Variants in DCUN1D4 observed in about 807,000 individuals in gnomAD.
The protein encoded by DCUN1D4 is DCN1-like protein 4.
A neutral mutation model predicts 47.9 loss-of-function variants in DCUN1D4; 22 were observed. That is an observed-to-expected ratio of 0.46 (90% CI 0.33 to 0.66). The LOEUF (loss-of-function observed/expected upper bound fraction) is 0.66, where lower values mean the gene tolerates loss of function less well. Ranked by LOEUF, DCUN1D4 falls within the 30% of genes least tolerant of loss-of-function variation. The probability of loss-of-function intolerance (pLI) is 0.02; values close to 1 mark genes in which losing one functional copy is unlikely to be tolerated. For missense variants in DCUN1D4, 301 were observed against 340.8 expected, an observed-to-expected ratio of 0.88 and a Z score of 0.92; for synonymous variants, 121 against 112.2, an observed-to-expected ratio of 1.08 and a Z score of -0.50.
intron 8 of DCUN1D4, chr4:51,905,300 G>C (rs1337616161): frequency 9.2e-6 from 4 of 436,620 alleles, no homozygotes; most frequent in South Asian, 1.6e-5. Context: ...AGCAGGGCCC[G>C]CATCTGCCCT....
chr4:51,907,872 G>T (rs927126995), intron 8 of DCUN1D4, among the ~76,000 whole-genome samples: 4 of 152,084 alleles, frequency 2.6e-5, no homozygotes, highest in African/African-American at 7.2e-5. Flanking sequence ...TGTTTCAGTT[G>T]TTAAGTCATT....
At chr4:51,911,803 AC>A (rs1219512598) in intron 9 of DCUN1D4, among the ~76,000 whole-genome samples, 1 of 152,132 alleles carries the variant, frequency 6.6e-6, no homozygotes, top group Admixed American at 6.5e-5. Flanking sequence ...ATTCTGTGGG[AC>A]CTGGAAGTAT....
At chr4:51,837,443 G>T in the DCUN1D4 span, among the ~76,000 whole-genome samples, 2 of 151,606 alleles carry the variant, frequency 1.3e-5, no homozygotes. Flanking sequence ...CGAGGCGGGC[G>T]GATCACGAGG....
upstream of DCUN1D4, among the ~76,000 whole-genome samples, chr4:51,838,033 C>T (rs963458201): frequency 3.2e-4 from 48 of 151,976 alleles, no homozygotes; most frequent in Admixed American, 2.0e-4. Flanking sequence ...CAAAATTAGC[C>T]GGGCATGGTG....
chr4:51,906,596 T>C (rs968981494), intron 8 of DCUN1D4, among the ~76,000 whole-genome samples: 9 of 152,092 alleles, frequency 5.9e-5, no homozygotes, highest in African/African-American at 2.2e-4. Flanking sequence ...ACACTCTCCC[T>C]CATACTTCAC....
At chr4:51,877,178 C>G (rs891571902) in intron 4 of DCUN1D4, among the ~76,000 whole-genome samples, 1 of 152,198 alleles carries the variant, frequency 6.6e-6, no homozygotes, top group Non-Finnish European at 1.5e-5. Flanking sequence ...ACTTCTGTCT[C>G]CTGAGGTTTC....
intron 1 of DCUN1D4, chr4:51,860,597 T>C: frequency 2.2e-6 from 1 of 455,400 alleles, no homozygotes; most frequent in South Asian, 1.5e-5. Flanking sequence ...AGTCTTACAA[T>C]CGTGGAGGAA....
chr4:51,870,912 C>T (rs988532901), intron 3 of DCUN1D4, among the ~76,000 whole-genome samples: 4 of 151,838 alleles, frequency 2.6e-5, no homozygotes, highest in African/African-American at 9.7e-5. Flanking sequence ...TCCAGGGTGG[C>T]TCTGCCTTGA....
chr4:51,885,178 C>T lies in DCUN1D4; in HGVS notation c.344-1390C>T, dbSNP rs527443990. On this transcript the variant is annotated intron_variant, in intron 5 of 10. Coordinates refer to ENST00000334635, the MANE Select transcript of DCUN1D4 (RefSeq NM_001040402.3). ...AGGATTTTAAGCCAGCATGGGATTG[C>T]GTTTGAAGTGGATCCCTTCAGTGGC... 3.9e-4 allele frequency among the ~76,000 whole-genome samples: 59 copies of T among 152,050 alleles called. 1 individual carries two copies. The South Asian group carries it at 0.012, about 30-fold the overall frequency.
chr4:51,874,329 A>G lies in DCUN1D4; in HGVS notation c.195A>G (p.Lys65=), dbSNP rs1032100811. The change falls in exon 4 of 11, where the codon AAA becomes AAG. Residue 65 remains lysine, a synonymous_variant. Coordinates refer to ENST00000334635, the MANE Select transcript of DCUN1D4 (RefSeq NM_001040402.3). ...DCFNKVMPPR[K]KRRPASGDDL... ...TTAATAAAGTGATGCCACCAAGGAA[A>G]AAGAGAAGACCTGCCTCTGGAGATG... 6.2e-7 allele frequency: 1 copy of G among 1,613,934 alleles called. No individual in the cohort carries two copies. The highest frequency in any genetic ancestry group is 8.5e-7 in the Non-Finnish European group (1 of 1,179,932).
chr4:51,837,776 A>G, the DCUN1D4 span, among the ~76,000 whole-genome samples: 23 of 152,138 alleles, frequency 1.5e-4, no homozygotes, highest in Non-Finnish European at 2.9e-4. Context: ...AAACGAAATT[A>G]AAACTGAAAC....
chr4:51,848,764 G>A (rs1056178368), intron 1 of DCUN1D4, among the ~76,000 whole-genome samples: 3 of 152,246 alleles, frequency 2.0e-5, no homozygotes, highest in African/African-American at 7.2e-5. Flanking sequence ...CAAAGTATCT[G>A]CTACTTCAGG....
intron 3 of DCUN1D4, among the ~76,000 whole-genome samples, chr4:51,873,768 A>C (rs899395341): frequency 3.9e-5 from 6 of 152,238 alleles, no homozygotes; most frequent in African/African-American, 1.4e-4. Flanking sequence ...ATTTTGCTCA[A>C]GGTCATGTCA....
intron 7 of DCUN1D4, among the ~76,000 whole-genome samples, chr4:51,893,719 A>AC (rs1370676613): frequency 1.3e-5 from 2 of 152,174 alleles, no homozygotes; most frequent in Non-Finnish European, 2.9e-5. Flanking sequence ...ACCGTGCCTG[A>AC]CCATCATTGC....
At chr4:51,874,437 C>A in intron 4 of DCUN1D4, 52 bp downstream of exon 4, 1 of 1,371,508 alleles carries the variant, frequency 7.3e-7, no homozygotes, top group African/African-American at 1.4e-5. Context: ...GTCGAAGATG[C>A]ACATTTCTAC....
rs760243268 is a variant in DCUN1D4 at position 51,913,629 on chromosome 4, G to C, written c.*45G>C. 14 of 1,570,142 alleles carry C rather than the reference G, an allele frequency of 8.9e-6. No individual in the cohort carries two copies. Among genetic ancestry groups the C allele is most frequent in the Non-Finnish European group, 1.0e-5 (12 of 1,143,322 alleles). ...AGAGAGTCACTGTTACCACAGTTTT[G>C]TCACCCATTAGCCATAAATTGCTGT... On this transcript the variant is annotated 3_prime_UTR_variant, in exon 11 of 11. Coordinates refer to ENST00000334635, the MANE Select transcript of DCUN1D4 (RefSeq NM_001040402.3).
chr4:51,879,217 A>G (rs1255409442), intron 5 of DCUN1D4, among the ~76,000 whole-genome samples: 1 of 152,214 alleles, frequency 6.6e-6, no homozygotes, highest in Non-Finnish European at 1.5e-5. Flanking sequence ...GGATGCTGTT[A>G]GCATTTGTCT....
chr4:51,908,476 C>T (rs1733230624), intron 8 of DCUN1D4, among the ~76,000 whole-genome samples: 1 of 152,090 alleles, frequency 6.6e-6, no homozygotes, highest in Non-Finnish European at 1.5e-5. Context: ...ATTGGTCTGC[C>T]CCTTGCTCCT....
intron 6 of DCUN1D4, 37 bp from the exon 7 acceptor site, chr4:51,891,723 A>G (rs368845193): frequency 4.1e-6 from 6 of 1,479,596 alleles, no homozygotes; most frequent in Non-Finnish European, 5.6e-6. Context: ...AATTTGTGTA[A>G]TATATTTTTT....
Sources: gnomAD v4.1 joint callset for allele counts (sites outside exome capture counted in the v4.1 genomes callset) on GRCh38, gnomAD v4.1.1 for gene constraint, MANE v1.5 for transcripts, NCBI Gene and HGNC (gene_info 2026-07-23, HGNC 2026-07-21) for gene names.